The following AMOTL1 variants were observed in gnomAD, a reference collection of about 807,000 sequenced individuals.
AMOTL1 encodes the protein angiomotin like 1, also known as angiomotin-like protein 1.
A neutral mutation model predicts 102.9 loss-of-function variants in AMOTL1; 45 were observed. That is an observed-to-expected ratio of 0.44 (90% CI 0.34 to 0.56). The LOEUF (loss-of-function observed/expected upper bound fraction) is 0.56. AMOTL1 is among the 20% of genes least tolerant of loss of function. The pLI is 0.01. For synonymous variants in AMOTL1, 481 were observed against 484.7 expected (o/e 0.99, Z 0.10); for missense variants, 1,114 against 1,225.6 (o/e 0.91, Z 1.36).
At chr11:94,741,920 G>A (rs1178553989) in intron 3 of AMOTL1, among the ~76,000 whole-genome samples, 4 of 152,172 alleles carry the variant, frequency 2.6e-5, no homozygotes, top group Non-Finnish European at 5.9e-5. Flanking sequence ...TTTATCCTCA[G>A]TAACACACTC....
intron 1 of AMOTL1, among the ~76,000 whole-genome samples, chr11:94,718,089 C>A (rs1364190334): frequency 3.3e-5 from 5 of 151,904 alleles, no homozygotes; most frequent in African/African-American, 1.2e-4. Context: ...TCACTCCCTT[C>A]CCTAGAAGTA....
At chr11:94,768,765 G>T (rs1359817103) in intron 1 of AMOTL1, among the ~76,000 whole-genome samples, 1 of 152,042 alleles carries the variant, frequency 6.6e-6, no homozygotes, top group African/African-American at 2.4e-5. Context: ...GGGCCTCAGC[G>T]TCTTGCCGCC....
At chr11:94,856,678 C>G (rs927544044) in intron 8 of AMOTL1, among the ~76,000 whole-genome samples, 1 of 152,216 alleles carries the variant, frequency 6.6e-6, no homozygotes, top group African/African-American at 2.4e-5. Context: ...TCCTTCATCC[C>G]TGTGTCCAAG....
chr11:94,831,975 AT>A (rs1228665885), intron 6 of AMOTL1, among the ~76,000 whole-genome samples: 3 of 152,220 alleles, frequency 2.0e-5, no homozygotes, highest in Non-Finnish European at 2.9e-5. Context: ...TGTGCAAGCC[AT>A]CTAAGTGATC....
intron 3 of AMOTL1, among the ~76,000 whole-genome samples, chr11:94,750,626 C>T (rs1289605913): frequency 6.6e-6 from 1 of 152,168 alleles, no homozygotes; most frequent in Non-Finnish European, 1.5e-5. Context: ...CCGTGATGTA[C>T]CCTAGATCTC....
chr11:94,794,048 A>T (rs961730571), intron 1 of AMOTL1, among the ~76,000 whole-genome samples: 1 of 152,234 alleles, frequency 6.6e-6, no homozygotes, highest in African/African-American at 2.4e-5. Context: ...CTTGTGGGAA[A>T]TGGGTAGATA....
chr11:94,814,527 T>G lies in AMOTL1; in HGVS notation c.1122-7003T>G, dbSNP rs749596267. 1.6e-4 allele frequency among the ~76,000 whole-genome samples: 25 copies of G among 151,802 alleles called. 1 individual carries two copies. The highest frequency in any genetic ancestry group is 1.4e-3 in the Admixed American group (22 of 15,234). ...CTTAGTGTAAACGAGGGAGAAGGAGTGTCAGAAGGGAACAGGACAATTTCA... is the reference window on the plus strand; with the variant it reads ...CTTAGTGTAAACGAGGGAGAAGGAGGGTCAGAAGGGAACAGGACAATTTCA... On this transcript the variant is annotated intron_variant, in intron 3 of 12. Transcript: ENST00000433060.
chr11:94,822,115 C>A (rs764529777), intron 4 of AMOTL1, among the ~76,000 whole-genome samples: 1 of 152,138 alleles, frequency 6.6e-6, no homozygotes, highest in African/African-American at 2.4e-5. Flanking sequence ...AGGATTACCC[C>A]ACCTGGACAA....
intron 2 of AMOTL1, 131 bp downstream of exon 2, chr11:94,795,291 T>C (rs1951347061): frequency 1.6e-6 from 2 of 1,232,512 alleles, no homozygotes; most frequent in Non-Finnish European, 2.3e-6. Flanking sequence ...GGATTATTGA[T>C]TGTCTGTTCA....
upstream of AMOTL1, among the ~76,000 whole-genome samples, chr11:94,765,540 T>C (rs543260799): frequency 7.9e-5 from 12 of 152,308 alleles, no homozygotes; most frequent in East Asian, 3.9e-4. Context: ...GAGGGAAACA[T>C]TGGTCTCCAG....
chr11:94,869,088 A>G (rs571043359), intron 11 of AMOTL1, 110 bp from the exon 12 acceptor site: 21 of 1,248,468 alleles, frequency 1.7e-5, no homozygotes, highest in Non-Finnish European at 2.0e-5. Context: ...GGAATGAATC[A>G]ATGAATGAAT....
intron 1 of AMOTL1, among the ~76,000 whole-genome samples, chr11:94,715,065 A>G (rs1321093155): frequency 6.6e-6 from 1 of 151,936 alleles, no homozygotes; most frequent in Non-Finnish European, 1.5e-5. Flanking sequence ...TTGTTTCTTC[A>G]TTTTTGTTAA....
intron 6 of AMOTL1, among the ~76,000 whole-genome samples, chr11:94,849,365 C>T (rs333014): frequency 0.048 from 7,327 of 152,216 alleles, 557 homozygotes; most frequent in African/African-American, 0.17. Flanking sequence ...ATAAGAAATG[C>T]TCATTCCATG....
At chr11:94,728,933 A>C in exon 2 of AMOTL1, 2 of 1,256,840 alleles carry the variant, frequency 1.6e-6, no homozygotes, top group Non-Finnish European at 2.1e-6. Context: ...GATTGCTTCC[A>C]TTTGATCTGA....
At position 94,870,750 on chromosome 11, in the gene AMOTL1, C is replaced by G. The variant is rs774512191; in HGVS notation, c.2826C>G (p.His942Gln). The G allele has an allele frequency of 6.2e-7, 1 of 1,603,572 alleles. No homozygotes were observed. Among genetic ancestry groups the G allele is most frequent in the Non-Finnish European group, 8.5e-7 (1 of 1,174,162 alleles). The change falls in exon 13 of 13, where the codon CAC becomes CAG. Residue 942 changes from histidine (H) to glutamine (Q), a missense_variant. Transcript: ENST00000433060. ...DHRGRVSSLLHKPEFPDGEMM... is the reference protein window; with the variant it reads ...DHRGRVSSLLQKPEFPDGEMM... ...GAGGCCGGGTCAGCAGCTTGCTGCACAAGCCCGAGTTCCCTGATGGAGAGA... is the reference window on the plus strand; with the variant it reads ...GAGGCCGGGTCAGCAGCTTGCTGCAGAAGCCCGAGTTCCCTGATGGAGAGA...
chr11:94,840,679 TATACAC>T (rs201790074), intron 6 of AMOTL1, among the ~76,000 whole-genome samples: 3,965 of 129,166 alleles, frequency 0.031, 190 homozygotes, highest in East Asian at 0.21. Flanking sequence ...TATATATATA[TATACAC>T]ACACACACAC....
Position 94,815,553 on chromosome 11 carries a change from G to A in AMOTL1, c.1122-5977G>A, listed in dbSNP as rs139340772. 2.4e-3 allele frequency among the ~76,000 whole-genome samples: 364 copies of A among 151,930 alleles called. 2 individuals are homozygous for A. The highest frequency in any genetic ancestry group is 8.3e-3 in the African/African-American group (346 of 41,488). ...TTTAAAATCTAAAGTTACATAATAC[G>A]TATTCATTGAATGTCTGGGTCATTT... On this transcript the variant is annotated intron_variant, in intron 3 of 12. Transcript: ENST00000433060.
chr11:94,866,212 C>T, intron 11 of AMOTL1, 44 bp downstream of exon 11: 2 of 1,575,580 alleles, frequency 1.3e-6, no homozygotes, highest in Non-Finnish European at 1.7e-6. Flanking sequence ...AAAAGCAAGA[C>T]CAGACAGCTT....
At position 94,870,672 on chromosome 11, in the gene AMOTL1, TC is replaced by T; in HGVS notation, c.2765-13del. 6.3e-7 allele frequency: 1 copy of T among 1,574,998 alleles called. No homozygotes were observed. The highest frequency in any genetic ancestry group is 1.2e-5 in the South Asian group (1 of 86,036). ...TCCTGAGGAATGGGCAGCTGATGTTTCCCCTCTATTTGGCAGAGAACTCTCC... is the reference window on the plus strand; with the variant it reads ...TCCTGAGGAATGGGCAGCTGATGTTTCCCTCTATTTGGCAGAGAACTCTCC... On this transcript the variant is annotated splice_polypyrimidine_tract_variant and intron_variant, in intron 12 of 12. Transcript: ENST00000433060.
Sources: allele counts gnomAD v4.1 joint callset (sites outside exome capture counted in the v4.1 genomes callset), GRCh38; gene constraint gnomAD v4.1.1; transcripts MANE v1.5; gene names NCBI Gene and HGNC (gene_info 2026-07-23, HGNC 2026-07-21).